The following ZFHX3 variants were observed in gnomAD, a reference collection of about 807,000 sequenced individuals.
ZFHX3 encodes zinc finger homeobox 3, also known as zinc finger homeobox protein 3.
ZFHX3 carries 42 observed loss-of-function variants against 279.1 expected under a neutral mutation model. That is an observed-to-expected ratio of 0.15 (90% CI 0.12 to 0.19). The LOEUF (loss-of-function observed/expected upper bound fraction) is 0.19. Among genes scored for constraint, ZFHX3 ranks in the 10% least tolerant of loss-of-function variants. The pLI is 1.00. For missense variants in ZFHX3, 4,981 were observed against 4,754.0 expected (o/e 1.05, Z -1.40); for synonymous variants, 2,293 against 1,957.8 (o/e 1.17, Z -4.52).
At chr16:73,113,393 A>G (rs1286037390) in intron 7 of ZFHX3, among the ~76,000 whole-genome samples, 1 of 152,242 alleles carries the variant, frequency 6.6e-6, no homozygotes, top group African/African-American at 2.4e-5. Context: ...AAGTACAAAA[A>G]TTCCTGCCAG....
intron 1 of ZFHX3, among the ~76,000 whole-genome samples, chr16:73,766,562 AGAAAC>A (rs1404590826): frequency 6.6e-6 from 1 of 152,234 alleles, no homozygotes; most frequent in Admixed American, 6.5e-5. Context: ...GGAATAAAGA[AGAAAC>A]TTAGAAAACG....
At chr16:73,162,187 C>T (rs766441571) in intron 5 of ZFHX3, among the ~76,000 whole-genome samples, 1 of 152,194 alleles carries the variant, frequency 6.6e-6, no homozygotes, top group Admixed American at 6.5e-5. Context: ...AGCAAAGGTT[C>T]GTCTGTATTT....
At chr16:72,933,911 C>T (rs1207603784) in intron 3 of ZFHX3, among the ~76,000 whole-genome samples, 1 of 150,374 alleles carries the variant, frequency 6.7e-6, no homozygotes, top group Non-Finnish European at 1.5e-5. Context: ...CTCTGCCTCC[C>T]GGGTTCATGC....
intron 1 of ZFHX3, among the ~76,000 whole-genome samples, chr16:73,846,554 T>C (rs1327717695): frequency 6.6e-6 from 1 of 152,178 alleles, no homozygotes; most frequent in Non-Finnish European, 1.5e-5. Context: ...AGTGGCCCTA[T>C]AAACACGCTA....
chr16:73,741,377 C>T (rs79210933), intron 1 of ZFHX3, among the ~76,000 whole-genome samples: 4 of 152,284 alleles, frequency 2.6e-5, no homozygotes, highest in African/African-American at 4.8e-5. Flanking sequence ...TCTGAATCCT[C>T]AAGTTCATGC....
rs13334252 is a variant in ZFHX3, at chr16:73,198,301, T to C, written c.-1103-54470A>G. 2.7e-3 allele frequency among the ~76,000 whole-genome samples: 416 copies of C among 151,858 alleles called. 1 individual carries two copies. Among genetic ancestry groups the C allele is most frequent in the African/African-American group, 9.5e-3 (393 of 41,448 alleles). On this transcript the variant is annotated intron_variant, in intron 5 of 17. Coordinates refer to the ZFHX3 transcript ENST00000641206. ...AAAGACTGTAAGTCTTTTAACTGCA[T>C]GAATACCATTGGTTACTTTATTCTC...
At chr16:73,581,203 T>C (rs1220524578) in intron 2 of ZFHX3, among the ~76,000 whole-genome samples, 1 of 151,918 alleles carries the variant, frequency 6.6e-6, no homozygotes, top group East Asian at 1.9e-4. Flanking sequence ...AGGAAAATTT[T>C]GTATTATAAT....
chr16:73,834,214 T>G (rs1961077859), intron 1 of ZFHX3, among the ~76,000 whole-genome samples: 1 of 152,306 alleles, frequency 6.6e-6, no homozygotes, highest in African/African-American at 2.4e-5. Flanking sequence ...TCTGGTCTTT[T>G]TCCATGAAAC....
chr16:72,862,207 A>G (rs992995966), intron 4 of ZFHX3, among the ~76,000 whole-genome samples: 1 of 152,142 alleles, frequency 6.6e-6, no homozygotes, highest in Admixed American at 6.5e-5. Flanking sequence ...CCCCAAACTT[A>G]GGACCCTGCT....
chr16:73,805,641 T>C (rs1400384966), intron 1 of ZFHX3, among the ~76,000 whole-genome samples: 1 of 152,204 alleles, frequency 6.6e-6, no homozygotes, highest in Non-Finnish European at 1.5e-5. Flanking sequence ...GAAACAAACA[T>C]GTTAAGCACC....
intron 3 of ZFHX3, among the ~76,000 whole-genome samples, chr16:73,423,467 G>A (rs1339924055): frequency 6.6e-6 from 1 of 152,148 alleles, no homozygotes; most frequent in Non-Finnish European, 1.5e-5. Flanking sequence ...CGGGCAGACT[G>A]TGATCTCATG....
At chr16:73,182,855 G>C (rs72797313) in intron 5 of ZFHX3, among the ~76,000 whole-genome samples, 22,765 of 138,820 alleles carry the variant, frequency 0.16, 1,827 homozygotes, top group South Asian at 0.2. Flanking sequence ...TGGACATACA[G>C]ATTACAATCA....
Position 72,787,635 on chromosome 16 carries a change from ATGT to A in ZFHX3, c.10638_10640del (p.Gln3546del). 1 of 1,611,506 alleles carries A rather than the reference ATGT, an allele frequency of 6.2e-7. No homozygotes were observed. Among genetic ancestry groups the A allele is most frequent in the Non-Finnish European group, 8.5e-7 (1 of 1,178,758 alleles). On this transcript the variant is annotated inframe_deletion, in exon 10 of 10. Transcript: ENST00000268489. The stretch of plus-strand genomic sequence containing the variant: ...TGTGTTTGTGCAAGGCCGACTCGAG[ATGT>A]TGACTCAGAGCTTCCTCCCCACAGA...
At chr16:72,858,824 C>G (rs1054355755) in intron 4 of ZFHX3, among the ~76,000 whole-genome samples, 3 of 152,248 alleles carry the variant, frequency 2.0e-5, no homozygotes, top group Non-Finnish European at 4.4e-5. Context: ...AGCCCCAGGC[C>G]CTGCAGCGGG....
At chr16:73,097,820 C>T (rs1454088877) in intron 7 of ZFHX3, among the ~76,000 whole-genome samples, 5 of 152,206 alleles carry the variant, frequency 3.3e-5, no homozygotes, top group Admixed American at 1.3e-4. Flanking sequence ...ACATAAATGG[C>T]GCTGTACAAT....
chr16:73,313,863 T>A (rs2143173672), intron 4 of ZFHX3, among the ~76,000 whole-genome samples: 1 of 152,266 alleles, frequency 6.6e-6, no homozygotes, highest in Middle Eastern at 3.4e-3. Flanking sequence ...ATCCCAACAC[T>A]TTGGGAGGCT....
chr16:73,288,712 G>A (rs926584991), intron 4 of ZFHX3, among the ~76,000 whole-genome samples: 4 of 151,954 alleles, frequency 2.6e-5, no homozygotes, highest in Non-Finnish European at 5.9e-5. Context: ...AGCTGCTGCC[G>A]CTCTACACAA....
At chr16:73,550,415 G>A (rs1486716110) in intron 2 of ZFHX3, among the ~76,000 whole-genome samples, 1 of 152,134 alleles carries the variant, frequency 6.6e-6, no homozygotes, top group Non-Finnish European at 1.5e-5. Flanking sequence ...GTTTACAGTA[G>A]GCCCAGTGTG....
intron 2 of ZFHX3, among the ~76,000 whole-genome samples, chr16:73,603,480 A>G (rs1182012275): frequency 6.6e-6 from 1 of 152,094 alleles, no homozygotes; most frequent in Non-Finnish European, 1.5e-5. Flanking sequence ...AAAATACGAG[A>G]ATACTGAAAG....
Sources: gnomAD v4.1 joint callset for allele counts (sites outside exome capture counted in the v4.1 genomes callset) on GRCh38, gnomAD v4.1.1 for gene constraint, MANE v1.5 for transcripts, NCBI Gene and HGNC (gene_info 2026-07-23, HGNC 2026-07-21) for gene names.